The following ZFPM2 variants were observed in gnomAD, a reference collection of about 807,000 sequenced individuals.
ZFPM2 encodes the protein zinc finger protein ZFPM2.
ZFPM2 carries 20 observed loss-of-function variants against 98.6 expected under a neutral mutation model. The ratio of observed to expected loss-of-function variants is 0.20; its 90% CI spans 0.14 to 0.29. ZFPM2 has a LOEUF of 0.29. ZFPM2 is among the 10% of genes least tolerant of loss of function. The pLI is 1.00. For synonymous variants in ZFPM2, 518 were observed against 502.7 expected (o/e 1.03, Z -0.41); for missense variants, 1,310 against 1,388.6 (o/e 0.94, Z 0.90).
intron 3 of ZFPM2, among the ~76,000 whole-genome samples, chr8:105,540,106 T>A (rs1346100726): frequency 6.6e-6 from 1 of 152,162 alleles, no homozygotes; most frequent in Non-Finnish European, 1.5e-5. Flanking sequence ...CCCATCTCTG[T>A]CTCTCTCTGT....
At chr8:105,596,952 G>A (rs1035176378) in intron 4 of ZFPM2, among the ~76,000 whole-genome samples, 3 of 151,098 alleles carry the variant, frequency 2.0e-5, no homozygotes, top group African/African-American at 7.3e-5. Context: ...AGTTAATGCT[G>A]TTGTTTTTTG....
intron 5 of ZFPM2, among the ~76,000 whole-genome samples, chr8:105,735,553 T>A (rs891941062): frequency 1.3e-5 from 2 of 152,000 alleles, no homozygotes; most frequent in Non-Finnish European, 2.9e-5. Context: ...TGAGATTCCC[T>A]GTGTATATAA....
At chr8:105,488,637 G>A (rs1394539480) in intron 3 of ZFPM2, among the ~76,000 whole-genome samples, 8 of 151,962 alleles carry the variant, frequency 5.3e-5, no homozygotes, top group Admixed American at 3.9e-4. Context: ...GGTGGTGCGC[G>A]CCTGTAGTCC....
At chr8:105,731,890 G>A (rs1811948464) in intron 5 of ZFPM2, among the ~76,000 whole-genome samples, 1 of 151,770 alleles carries the variant, frequency 6.6e-6, no homozygotes, top group Admixed American at 6.6e-5. Flanking sequence ...TCTGTTTGTT[G>A]CTTGTATCTT....
intron 3 of ZFPM2, among the ~76,000 whole-genome samples, chr8:105,514,336 T>TTA (rs1475290319): frequency 8.5e-6 from 1 of 117,224 alleles, no homozygotes; most frequent in African/African-American, 4.0e-5. Flanking sequence ...TTTTTTTTTT[T>TTA]AAATAAGGGA....
At chr8:105,499,358 AAAAC>A (rs1046700268) in intron 3 of ZFPM2, among the ~76,000 whole-genome samples, 60 of 152,244 alleles carry the variant, frequency 3.9e-4, no homozygotes, top group East Asian at 1.2e-3. Flanking sequence ...AATCCAAAAC[AAAAC>A]AAACAAACAA....
intron 4 of ZFPM2, among the ~76,000 whole-genome samples, chr8:105,626,025 A>G (rs28719811): frequency 0.2 from 29,677 of 150,276 alleles, 2,936 homozygotes; most frequent in South Asian, 0.25. Flanking sequence ...AAGGAAGGAA[A>G]GAAAGAAAGA....
At chr8:105,726,285 T>G (rs1050045624) in intron 5 of ZFPM2, among the ~76,000 whole-genome samples, 33 of 151,772 alleles carry the variant, frequency 2.2e-4, no homozygotes, top group Admixed American at 1.2e-3. Flanking sequence ...ACTGTTGACT[T>G]CTAAGTTGTA....
At chr8:105,464,313 A>C (rs1812756952) in intron 3 of ZFPM2, among the ~76,000 whole-genome samples, 1 of 152,080 alleles carries the variant, frequency 6.6e-6, no homozygotes, top group Non-Finnish European at 1.5e-5. Flanking sequence ...TCTCTTTAAA[A>C]ATCAAATATA....
At chr8:105,784,254 T>C (rs1041304546) in intron 5 of ZFPM2, among the ~76,000 whole-genome samples, 1 of 152,214 alleles carries the variant, frequency 6.6e-6, no homozygotes, top group African/African-American at 2.4e-5. Context: ...TCTGAAGCAT[T>C]AAAATAGGAA....
At position 105,756,375 on chromosome 8, in the gene ZFPM2, G is replaced by A. The variant is rs74632753; in HGVS notation, c.533-32343G>A. Reference sequence around the variant, plus strand: ...TTGCTTGTACATTACACACCAACACGAAGCACTTGTCTGCTGGCTTGGATA... The same window carrying A: ...TTGCTTGTACATTACACACCAACACAAAGCACTTGTCTGCTGGCTTGGATA... On this transcript the variant is annotated intron_variant, in intron 5 of 7. Transcript: ENST00000407775. Among the ~76,000 whole-genome samples the A allele has an allele frequency of 9.9e-3, 1,503 of 152,264 alleles. 32 individuals carry two copies. Among genetic ancestry groups the A allele is most frequent in the African/African-American group, 0.034 (1,406 of 41,544 alleles).
intron 1 of ZFPM2, among the ~76,000 whole-genome samples, chr8:105,394,034 C>T (rs1189287613): frequency 2.0e-5 from 3 of 151,858 alleles, no homozygotes; most frequent in Non-Finnish European, 4.4e-5. Context: ...GCTGAGACTA[C>T]AGGCGCCTGC....
intron 3 of ZFPM2, among the ~76,000 whole-genome samples, chr8:105,446,991 A>G (rs1331130661): frequency 6.6e-6 from 1 of 152,074 alleles, no homozygotes; most frequent in East Asian, 1.9e-4. Context: ...TACTACTGCA[A>G]GTTTTGTTAT....
intron 1 of ZFPM2, among the ~76,000 whole-genome samples, chr8:105,350,151 C>A (rs997011775): frequency 2.6e-5 from 4 of 152,154 alleles, no homozygotes; most frequent in African/African-American, 9.7e-5. Context: ...TGGCATTAGA[C>A]TTCTAGAGTT....
chr8:105,398,700 C>T (rs1297474487), intron 1 of ZFPM2, among the ~76,000 whole-genome samples: 1 of 152,092 alleles, frequency 6.6e-6, no homozygotes, highest in African/African-American at 2.4e-5. Flanking sequence ...GCAGGCAGAG[C>T]TCAGATAGTA....
chr8:105,793,182 G>A lies in ZFPM2; in HGVS notation c.739+4258G>A, dbSNP rs184323011. On this transcript the variant is annotated intron_variant, in intron 6 of 7. Coordinates refer to ENST00000407775, the MANE Select transcript of ZFPM2 (RefSeq NM_012082.4). ...GTTGATGCAGTTTCTTCCTAGTCTC[G>A]ATGGTCTTTACGTTTTGGCATGATT... 5.7e-3 allele frequency among the ~76,000 whole-genome samples: 870 copies of A among 152,208 alleles called. 6 individuals are homozygous for A. The highest frequency in any genetic ancestry group is 0.019 in the African/African-American group (791 of 41,506).
At chr8:105,384,921 C>T (rs1810954134) in intron 1 of ZFPM2, among the ~76,000 whole-genome samples, 1 of 152,162 alleles carries the variant, frequency 6.6e-6, no homozygotes, top group Non-Finnish European at 1.5e-5. Context: ...GTCCCAAACA[C>T]TACCCTAAGC....
intron 1 of ZFPM2, among the ~76,000 whole-genome samples, chr8:105,389,089 C>CT (rs1411258751): frequency 3.3e-5 from 5 of 150,296 alleles, no homozygotes; most frequent in African/African-American, 1.2e-4. Context: ...AATAGATACT[C>CT]TGACCCTTCT....
At chr8:105,504,168 C>G (rs1813651223) in intron 3 of ZFPM2, among the ~76,000 whole-genome samples, 1 of 152,106 alleles carries the variant, frequency 6.6e-6, no homozygotes. Flanking sequence ...AGAGCACTGC[C>G]CATTTCATCC....
Sources: gnomAD v4.1 joint callset for allele counts (sites outside exome capture counted in the v4.1 genomes callset) on GRCh38, gnomAD v4.1.1 for gene constraint, MANE v1.5 for transcripts, NCBI Gene and HGNC (gene_info 2026-07-23, HGNC 2026-07-21) for gene names.